Variants in MIDEAS observed in about 807,000 individuals in gnomAD.
MIDEAS encodes mitotic deacetylase associated SANT domain protein.
Under a neutral mutation model 102.7 loss-of-function variants are expected in MIDEAS, and 26 were observed. The ratio of observed to expected loss-of-function variants is 0.25; its 90% CI spans 0.19 to 0.35. The LOEUF is 0.35. MIDEAS is among the 10% of genes least tolerant of loss of function. The pLI is 1.00. For synonymous variants in MIDEAS, 585 were observed against 591.0 expected, an observed-to-expected ratio of 0.99 and a Z score of 0.15; for missense variants, 1,231 against 1,435.6, an observed-to-expected ratio of 0.86 and a Z score of 2.30.
rs1595251987 is a variant in MIDEAS, at chr14:73,722,696, A to G, written c.2724+2T>C. On this transcript the variant is annotated splice_donor_variant, in intron 10 of 12. Coordinates refer to ENST00000423556, the MANE Select transcript of MIDEAS (RefSeq NM_001367710.1). LOFTEE classifies it high-confidence loss of function. ...TGCAGCTGAGGTTGGAAAAGGAGTC[A>G]CCTTAATATCCACTTCAACCTCTTC... 6.2e-7 allele frequency: 1 copy of G among 1,613,588 alleles called. No homozygotes were observed. The highest frequency in any genetic ancestry group is 1.3e-5 in the African/African-American group (1 of 74,972).
chr14:73,721,337 G>A lies in MIDEAS; in HGVS notation c.2897C>T (p.Ala966Val), dbSNP rs754024767. Residue 966 changes from alanine to valine, a missense_variant, in exon 11 of 13, where the codon GCG becomes GTG. By Grantham distance (64) the Ala-to-Val change is moderately conservative. Coordinates refer to ENST00000423556, the MANE Select transcript of MIDEAS (RefSeq NM_001367710.1). ...TAGTGTCTGCGTGGCTTTGACTGCC[G>A]CTGCCCGCCTGCTGCGCTCTCGCCC... is the stretch of plus-strand genomic sequence containing the variant. ...EEGRERSRRA[A>V]AVKATQTLQA... The A allele has an allele frequency of 1.8e-5, 29 of 1,613,634 alleles. No individual in the cohort carries two copies. The highest frequency in any genetic ancestry group is 2.0e-5 in the Non-Finnish European group (24 of 1,180,004).
At chr14:73,758,393 G>A (rs1317814933) in intron 1 of MIDEAS, among the ~76,000 whole-genome samples, 1 of 152,200 alleles carries the variant, frequency 6.6e-6, no homozygotes, top group Non-Finnish European at 1.5e-5. Context: ...GCCCCCTAGG[G>A]AGGACTGGCT....
Position 73,716,886 on chromosome 14 carries a change from C to T in MIDEAS, c.*1957G>A, listed in dbSNP as rs771529772. ...AAGCTGCGAAGGCACTCGTATTGTA[C>T]AAGTAATTTCGAAGAGAGCCTAAAT... On this transcript the variant is annotated 3_prime_UTR_variant, in exon 13 of 13. Coordinates refer to ENST00000423556, the MANE Select transcript of MIDEAS (RefSeq NM_001367710.1). 13 of 152,530 alleles carry T rather than the reference C, an allele frequency of 8.5e-5. No individual in the cohort carries two copies. The highest frequency in any genetic ancestry group is 4.6e-4 in the Admixed American group (7 of 15,268). 9.4% of individuals were successfully genotyped at this position (152,530 alleles called of 1,614,324 possible).
chr14:73,787,139 G>A (rs2053820734), exon 1 of MIDEAS: 1 of 149,722 alleles, frequency 6.7e-6, no homozygotes, highest in Non-Finnish European at 1.5e-5. Flanking sequence ...GAGGGGTGCG[G>A]GGCGCAGGCG....
In MIDEAS at chr14:73,738,995, G is replaced by A; in HGVS notation, c.1014C>T (p.Val338=). Residue 338 remains valine, a synonymous_variant, in exon 2 of 13, where the codon GTC becomes GTT. Coordinates refer to ENST00000423556, the MANE Select transcript of MIDEAS (RefSeq NM_001367710.1). Reference sequence around the variant, plus strand: ...GGGAGCGGCGGGGGAAGGGGATCTGGACCTGAGGTAGCGCTGGCTGCGGGG... The same window carrying A: ...GGGAGCGGCGGGGGAAGGGGATCTGAACCTGAGGTAGCGCTGGCTGCGGGG... ...DSAPQPALPQ[V]QIPFPRRSRR... 1.3e-6 allele frequency: 2 copies of A among 1,538,618 alleles called. No individual in the cohort carries two copies. The highest frequency in any genetic ancestry group is 1.7e-6 in the Non-Finnish European group (2 of 1,143,160).
intron 1 of MIDEAS, among the ~76,000 whole-genome samples, chr14:73,772,374 C>T (rs192795753): frequency 2.0e-5 from 3 of 152,372 alleles, no homozygotes; most frequent in South Asian, 2.1e-4. Context: ...CAGTTATTGG[C>T]ATTATGCCAA....
At chr14:73,766,183 C>T (rs879650597) in intron 1 of MIDEAS, among the ~76,000 whole-genome samples, 8 of 152,182 alleles carry the variant, frequency 5.3e-5, no homozygotes, top group Non-Finnish European at 1.0e-4. Flanking sequence ...TACTCCATCA[C>T]CTGCACATTG....
At chr14:73,757,491 A>G (rs2053499874) in intron 1 of MIDEAS, among the ~76,000 whole-genome samples, 1 of 152,156 alleles carries the variant, frequency 6.6e-6, no homozygotes, top group Non-Finnish European at 1.5e-5. Flanking sequence ...TATGTACACA[A>G]ATAACTACAT....
chr14:73,721,237 G>A (rs1208863211), intron 11 of MIDEAS, 60 bp downstream of exon 11: 20 of 1,522,400 alleles, frequency 1.3e-5, no homozygotes, highest in East Asian at 2.3e-5. Context: ...TCCCTCCCAC[G>A]CCCCCAGGCC....
Position 73,719,466 on chromosome 14 carries a change from G to C in MIDEAS, c.2973C>G (p.Ser991=). ...GGCCACCGGCAGACCCAGGGGCGTT[G>C]GACTCGTGGCTCCGGAGGATGAGGA... ...SDILILRSHE[S]NAPGSAGGQA... is the part of the protein sequence containing the mutation. The change falls in exon 12 of 13, where the codon TCC becomes TCG. Residue 991 remains serine (S), a synonymous_variant. Transcript: ENST00000423556. 1 of 1,613,850 alleles carries C rather than the reference G, an allele frequency of 6.2e-7. No individual in the cohort carries two copies. The highest frequency in any genetic ancestry group is 8.5e-7 in the Non-Finnish European group (1 of 1,180,000).
chr14:73,765,937 C>G (rs1384216568), intron 1 of MIDEAS, among the ~76,000 whole-genome samples: 1 of 152,194 alleles, frequency 6.6e-6, no homozygotes, highest in East Asian at 1.9e-4. Flanking sequence ...ACAGCTACCC[C>G]ATTCTCAAAA....
In MIDEAS at chr14:73,737,198, G is replaced by C. The variant is rs1473426805; in HGVS notation, c.1549C>G (p.Arg517Gly). The C allele has an allele frequency of 6.2e-7, 1 of 1,614,142 alleles. No individual in the cohort carries two copies. The highest frequency in any genetic ancestry group is 1.7e-5 in the Admixed American group (1 of 60,018). ...SEPSLATKRA[R>G]EDSGMVPLII... ...AGGGGTACCATCCCACTGTCTTCTCGTGCTCGCTTGGTGGCTAAGGAAGGC... is the reference window on the plus strand; with the variant it reads ...AGGGGTACCATCCCACTGTCTTCTCCTGCTCGCTTGGTGGCTAAGGAAGGC... Residue 517 changes from arginine to glycine, a missense_variant, in exon 3 of 13, where the codon CGA becomes GGA. Arg to Gly is a moderately radical substitution (Grantham distance 125). Around this residue, in one of 5 missense-constraint regions of MIDEAS, gnomAD observed 758 missense variants for 856.0 expected, o/e 0.89. Transcript: ENST00000423556.
At chr14:73,727,591 G>A in intron 4 of MIDEAS, 67 bp from the exon 5 acceptor site, 1 of 1,454,060 alleles carries the variant, frequency 6.9e-7, no homozygotes, top group Non-Finnish European at 9.4e-7. Context: ...AATCCTAGTG[G>A]CTGCCCTGTA....
At chr14:73,744,303 G>A (rs1011857202) in intron 1 of MIDEAS, among the ~76,000 whole-genome samples, 3 of 152,214 alleles carry the variant, frequency 2.0e-5, no homozygotes, top group Admixed American at 1.3e-4. Context: ...TGGCCACTGT[G>A]GGACCAGGGC....
intron 1 of MIDEAS, among the ~76,000 whole-genome samples, chr14:73,784,683 A>G (rs1452062713): frequency 6.6e-6 from 1 of 152,214 alleles, no homozygotes. Context: ...CCAGCTAACC[A>G]GGACCTTCAC....
chr14:73,763,944 T>G (rs2053572747), upstream of MIDEAS, among the ~76,000 whole-genome samples: 1 of 152,190 alleles, frequency 6.6e-6, no homozygotes, highest in South Asian at 2.1e-4. Flanking sequence ...AAAAAACTGC[T>G]TTATAACTCA....
chr14:73,765,111 C>T (rs1209110978), upstream of MIDEAS, among the ~76,000 whole-genome samples: 1 of 152,246 alleles, frequency 6.6e-6, no homozygotes, highest in African/African-American at 2.4e-5. Context: ...CAGAACTAGT[C>T]CCAGACAGAC....
intron 1 of MIDEAS, among the ~76,000 whole-genome samples, chr14:73,743,212 TC>T (rs1298880014): frequency 6.6e-6 from 1 of 152,144 alleles, no homozygotes; most frequent in Non-Finnish European, 1.5e-5. Context: ...GCAAGGATTT[TC>T]TAGACACAGA....
At chr14:73,757,960 G>A (rs1255537351) in intron 1 of MIDEAS, among the ~76,000 whole-genome samples, 1 of 152,184 alleles carries the variant, frequency 6.6e-6, no homozygotes, top group Admixed American at 6.5e-5. Context: ...GGGAGTGGGG[G>A]TTCTGCTGGC....
Sources: gnomAD v4.1 joint callset for allele counts (sites outside exome capture counted in the v4.1 genomes callset) on GRCh38, gnomAD v4.1.1 for gene constraint, gnomAD v4.1.1 regional missense constraint, MANE v1.5 for transcripts, NCBI Gene and HGNC (gene_info 2026-07-23, HGNC 2026-07-21) for gene names.